The following WDPCP variants were observed in gnomAD, a reference collection of about 807,000 sequenced individuals.
WDPCP encodes WD repeat containing planar cell polarity effector.
In WDPCP, 71 loss-of-function variants were observed where a neutral mutation model predicts 93.1. The ratio of observed to expected loss-of-function variants is 0.76; its 90% CI spans 0.63 to 0.93. The LOEUF is 0.93. WDPCP is among the 40% of genes least tolerant of loss of function. WDPCP has a pLI of 0.00. For missense variants in WDPCP, 844 were observed against 887.4 expected, an observed-to-expected ratio of 0.95 and a Z score of 0.62; for synonymous variants, 315 against 315.0, an observed-to-expected ratio of 1.00 and a Z score of 0.00.
intron 14 of WDPCP, among the ~76,000 whole-genome samples, chr2:63,180,074 A>G (rs761537379): frequency 3.9e-5 from 6 of 152,194 alleles, no homozygotes; most frequent in Non-Finnish European, 7.3e-5. Flanking sequence ...GTCAAATACC[A>G]TATGTTCTCA....
At chr2:63,518,211 T>C (rs2045621942) in intron 1 of WDPCP, 1 of 152,250 alleles carries the variant, frequency 6.6e-6, no homozygotes, top group African/African-American at 2.4e-5. Context: ...TAAAAAATTA[T>C]ATTTTTAATT....
intron 2 of WDPCP, among the ~76,000 whole-genome samples, chr2:63,693,321 C>A (rs1363677328): frequency 3.3e-5 from 5 of 151,966 alleles, no homozygotes; most frequent in Non-Finnish European, 7.4e-5. Flanking sequence ...GAAAACAGTG[C>A]AGAAGATGGT....
At chr2:63,602,074 G>A (rs1051821197) in intron 3 of WDPCP, among the ~76,000 whole-genome samples, 2 of 152,158 alleles carry the variant, frequency 1.3e-5, no homozygotes, top group East Asian at 1.9e-4. Flanking sequence ...TGCAAATATT[G>A]TAGATAATAG....
chr2:63,634,066 G>A (rs1709896175), intron 3 of WDPCP, among the ~76,000 whole-genome samples: 1 of 151,854 alleles, frequency 6.6e-6, no homozygotes, highest in Non-Finnish European at 1.5e-5. Flanking sequence ...GAAAAAAGGG[G>A]GATTTAAATC....
chr2:63,793,314 T>C (rs1392890402), intron 2 of WDPCP, among the ~76,000 whole-genome samples: 2 of 152,148 alleles, frequency 1.3e-5, no homozygotes, highest in African/African-American at 4.8e-5. Flanking sequence ...TTTTCCAAAA[T>C]GATTGAAATG....
chr2:63,203,105 A>G (rs1041652013), intron 14 of WDPCP, among the ~76,000 whole-genome samples: 3 of 152,112 alleles, frequency 2.0e-5, no homozygotes, highest in African/African-American at 7.2e-5. Context: ...ATTTATTCCA[A>G]TAGTTGCATT....
chr2:63,506,827 G>A (rs1701906237), intron 1 of WDPCP, among the ~76,000 whole-genome samples: 1 of 152,012 alleles, frequency 6.6e-6, no homozygotes, highest in African/African-American at 2.4e-5. Flanking sequence ...ATCTTTAGAA[G>A]TAAAACATTG....
intron 2 of WDPCP, among the ~76,000 whole-genome samples, chr2:63,790,681 A>C (rs1670531357): frequency 6.6e-6 from 1 of 152,216 alleles, no homozygotes. Flanking sequence ...CTTGGAGCCA[A>C]GCGAGAACTA....
At chr2:63,180,016 T>C (rs1253966643) in intron 14 of WDPCP, among the ~76,000 whole-genome samples, 1 of 152,176 alleles carries the variant, frequency 6.6e-6, no homozygotes, top group Non-Finnish European at 1.5e-5. Flanking sequence ...GTTCTTTATA[T>C]AGACCTGGAG....
chr2:63,521,848 A>T (rs1000895160), intron 1 of WDPCP, among the ~76,000 whole-genome samples: 4 of 152,212 alleles, frequency 2.6e-5, no homozygotes, highest in Non-Finnish European at 5.9e-5. Flanking sequence ...GCCACAGCGC[A>T]ATAAAAATAG....
At position 63,575,398 on chromosome 2, in the gene WDPCP, A is replaced by ACT. The variant is rs1558831727; in HGVS notation, c.75+12798_75+12799insAG. 3.1e-3 allele frequency among the ~76,000 whole-genome samples: 273 copies of ACT among 89,246 alleles called. 18 individuals are homozygous for ACT. The highest frequency in any genetic ancestry group is 4.5e-3 in the Non-Finnish European group (186 of 40,946). 58.5% of individuals were successfully genotyped at this position (89,246 alleles called of 152,430 possible). A position where few individuals can be genotyped will look rare whatever the true frequency, so the allele number is the denominator to read the frequency against. On this transcript the variant is annotated intron_variant, in intron 1 of 17. Coordinates refer to ENST00000272321, the MANE Select transcript of WDPCP (RefSeq NM_015910.7). ...TATACAGTATATACACGGTATATAC[A>ACT]GTATATATACAGTATATACACTGTA...
intron 13 of WDPCP, among the ~76,000 whole-genome samples, chr2:63,295,145 CTATAGAATAT>C (rs1684748779): frequency 6.6e-6 from 1 of 151,696 alleles, no homozygotes; most frequent in African/African-American, 2.4e-5. Context: ...AAGAAAATAG[CTATAGAATAT>C]ACACAAATGA....
intron 12 of WDPCP, among the ~76,000 whole-genome samples, chr2:63,325,426 G>A (rs1687456332): frequency 6.6e-6 from 1 of 152,180 alleles, no homozygotes; most frequent in Admixed American, 6.5e-5. Flanking sequence ...AGGACTGAGG[G>A]TGCCTCGGGA....
At chr2:63,136,958 T>C (rs1024425807) in intron 17 of WDPCP, among the ~76,000 whole-genome samples, 3 of 152,190 alleles carry the variant, frequency 2.0e-5, no homozygotes, top group Non-Finnish European at 4.4e-5. Flanking sequence ...TCCTGTCTAT[T>C]ATTGATGGGC....
chr2:63,566,571 C>T (rs12990914), intron 1 of WDPCP, among the ~76,000 whole-genome samples: 122,261 of 152,170 alleles, frequency 0.8, 49,779 homozygotes, highest in East Asian at 0.98. Flanking sequence ...AAATAAACTT[C>T]CTAAATTAAC....
chr2:63,390,400 A>G (rs1693132582), intron 10 of WDPCP, among the ~76,000 whole-genome samples: 1 of 152,228 alleles, frequency 6.6e-6, no homozygotes, highest in Admixed American at 6.5e-5. Context: ...CATTTAAAGC[A>G]ATGTGTAGGA....
chr2:63,565,496 G>A lies in WDPCP; in HGVS notation c.75+22701C>T. The stretch of plus-strand genomic sequence containing the variant: ...GAATTATAGTATAATAAAACATCAA[G>A]GAGTCACTGAGAAAAATAAGGTGTC... On this transcript the variant is annotated intron_variant, in intron 1 of 17. Coordinates refer to ENST00000272321, the MANE Select transcript of WDPCP (RefSeq NM_015910.7). 1.3e-5 allele frequency among the ~76,000 whole-genome samples: 2 copies of A among 152,062 alleles called. 1 individual carries two copies. Among genetic ancestry groups the A allele is most frequent in the Non-Finnish European group, 2.9e-5 (2 of 68,002 alleles).
chr2:63,722,736 G>A (rs1402190434), intron 2 of WDPCP, among the ~76,000 whole-genome samples: 1 of 151,116 alleles, frequency 6.6e-6, no homozygotes. Context: ...GCCCCTACTG[G>A]GAAGTGAGGA....
chr2:63,819,413 G>A (rs57877849), intron 1 of WDPCP, among the ~76,000 whole-genome samples: 6,890 of 151,810 alleles, frequency 0.045, 286 homozygotes, highest in African/African-American at 0.096. Flanking sequence ...CACGTTTACA[G>A]GTCAGGTGGC....
Sources: allele counts gnomAD v4.1 joint callset (sites outside exome capture counted in the v4.1 genomes callset), GRCh38; gene constraint gnomAD v4.1.1; transcripts MANE v1.5; gene names NCBI Gene and HGNC (gene_info 2026-07-23, HGNC 2026-07-21).